The following SRRM4 variants were observed in gnomAD, a reference collection of about 807,000 sequenced individuals.
SRRM4 encodes serine/arginine repetitive matrix 4.
In SRRM4, 33 loss-of-function variants were observed where a neutral mutation model predicts 68.9. The observed-to-expected ratio is 0.48, with a 90% CI of 0.36 to 0.64. SRRM4 has a LOEUF of 0.64. SRRM4 is among the 30% of genes least tolerant of loss of function. The probability of loss-of-function intolerance (pLI) is 0.00; values close to 1 mark genes in which losing one functional copy is unlikely to be tolerated. For synonymous variants in SRRM4, 318 were observed against 318.8 expected (o/e 1.00, Z 0.03); for missense variants, 817 against 827.1 (o/e 0.99, Z 0.15).
Position 119,156,604 on chromosome 12 carries a change from A to T in SRRM4, c.1642A>T (p.Ser548Cys). 1 of 1,610,950 alleles carries T rather than the reference A, an allele frequency of 6.2e-7. No homozygotes were observed. The highest frequency in any genetic ancestry group is 8.5e-7 in the Non-Finnish European group (1 of 1,179,574). The change falls in exon 13 of 13, where the codon AGC becomes TGC. Residue 548 changes from serine to cysteine, a missense_variant. Physicochemically the swap from Ser to Cys is moderately radical, Grantham distance 112. Coordinates refer to ENST00000267260, the MANE Select transcript of SRRM4 (RefSeq NM_194286.4). ...SSSSSRSASR[S>C]YSRSRSRSRS... ...CAGCAGTAGCCGCTCGGCCAGCCGC[A>T]GCTACTCCCGGAGCCGGAGTCGGAG...
chr12:118,991,057 G>C (rs145259216), intron 1 of SRRM4, among the ~76,000 whole-genome samples: 2 of 152,026 alleles, frequency 1.3e-5, no homozygotes, highest in Non-Finnish European at 2.9e-5. Context: ...CACCCTCCTC[G>C]GCCTTCCAAA....
chr12:119,018,914 C>T (rs2136000744), intron 1 of SRRM4, among the ~76,000 whole-genome samples: 1 of 152,252 alleles, frequency 6.6e-6, no homozygotes, highest in Non-Finnish European at 1.5e-5. Flanking sequence ...ATCACTCACC[C>T]CCAGGAGTGG....
chr12:119,056,109 C>T (rs963645108), intron 1 of SRRM4, among the ~76,000 whole-genome samples: 3 of 152,224 alleles, frequency 2.0e-5, no homozygotes, highest in Non-Finnish European at 2.9e-5. Flanking sequence ...GGCCAGCCCC[C>T]CTCTCAGCCT....
At chr12:118,987,037 G>A (rs918945097) in intron 1 of SRRM4, among the ~76,000 whole-genome samples, 4 of 152,170 alleles carry the variant, frequency 2.6e-5, no homozygotes, top group Non-Finnish European at 1.5e-5. Flanking sequence ...GCTGAAGTGT[G>A]AGAGAATATT....
chr12:119,137,281 T>G (rs1388991592), intron 8 of SRRM4, among the ~76,000 whole-genome samples: 2 of 152,200 alleles, frequency 1.3e-5, no homozygotes, highest in Admixed American at 1.3e-4. Flanking sequence ...TTAATTGGAA[T>G]TCTCTTCTTG....
rs987021581 is a variant in SRRM4 at position 119,125,388 on chromosome 12, A to T, written c.523A>T (p.Ser175Cys). 2 of 1,612,492 alleles carry T rather than the reference A, an allele frequency of 1.2e-6. No individual in the cohort carries two copies. Among genetic ancestry groups the T allele is most frequent in the Non-Finnish European group, 1.7e-6 (2 of 1,179,274 alleles). The change falls in exon 7 of 13, where the codon AGC becomes TGC. Residue 175 changes from serine to cysteine, a missense_variant. By Grantham distance (112) the Ser-to-Cys change is moderately radical. Coordinates refer to ENST00000267260, the MANE Select transcript of SRRM4 (RefSeq NM_194286.4). ...DEKRHKKQSRSRPRKSHRHRH... is the reference protein window; with the variant it reads ...DEKRHKKQSRCRPRKSHRHRH... Reference sequence around the variant, plus strand: ...CCTTCTCATCCCCCCAAGATCTCGAAGCCGGCCCCGAAAGTCTCACCGCCA... The same window carrying T: ...CCTTCTCATCCCCCCAAGATCTCGATGCCGGCCCCGAAAGTCTCACCGCCA...
chr12:119,142,854 T>C (rs912027824), intron 8 of SRRM4, among the ~76,000 whole-genome samples: 6 of 152,188 alleles, frequency 3.9e-5, no homozygotes, highest in African/African-American at 1.4e-4. Context: ...TGGAGATACA[T>C]GTGTTACCAT....
At chr12:118,995,268 G>C (rs1172979888) in intron 1 of SRRM4, among the ~76,000 whole-genome samples, 3 of 152,196 alleles carry the variant, frequency 2.0e-5, no homozygotes, top group Non-Finnish European at 4.4e-5. Flanking sequence ...AGAGGTAAGT[G>C]ATTTGTCTAA....
At chr12:118,997,555 A>G (rs538235093) in intron 1 of SRRM4, among the ~76,000 whole-genome samples, 1 of 152,276 alleles carries the variant, frequency 6.6e-6, no homozygotes, top group Non-Finnish European at 1.5e-5. Context: ...TCTCTTCTGA[A>G]TCCATAAATC....
chr12:119,068,893 G>A (rs1177135609), intron 1 of SRRM4, among the ~76,000 whole-genome samples: 2 of 152,098 alleles, frequency 1.3e-5, no homozygotes, highest in African/African-American at 4.8e-5. Context: ...GCGTCGGGAG[G>A]GGAGGGCGAC....
intron 1 of SRRM4, among the ~76,000 whole-genome samples, chr12:119,070,680 A>G (rs1007556210): frequency 4.6e-5 from 7 of 152,084 alleles, no homozygotes; most frequent in Admixed American, 4.6e-4. Context: ...ATGAGAAACC[A>G]TTTTCCTGGC....
At chr12:119,094,566 C>T (rs1452280052) in intron 1 of SRRM4, among the ~76,000 whole-genome samples, 2 of 152,226 alleles carry the variant, frequency 1.3e-5, no homozygotes, top group East Asian at 1.9e-4. Context: ...TGCAGTCACA[C>T]GAAGGTCCAC....
intron 1 of SRRM4, among the ~76,000 whole-genome samples, chr12:119,014,789 C>T (rs1400151005): frequency 6.6e-6 from 1 of 152,128 alleles, no homozygotes; most frequent in Admixed American, 6.5e-5. Context: ...CAGCTCATCC[C>T]TGGCCCCTGA....
intron 1 of SRRM4, among the ~76,000 whole-genome samples, chr12:118,986,234 C>T (rs1235355779): frequency 1.3e-5 from 2 of 152,176 alleles, no homozygotes; most frequent in African/African-American, 2.4e-5. Flanking sequence ...GATTTTCTGG[C>T]AGCAGCCTGT....
chr12:119,115,862 T>A (rs1489226420), intron 3 of SRRM4, among the ~76,000 whole-genome samples: 1 of 152,210 alleles, frequency 6.6e-6, no homozygotes, highest in Non-Finnish European at 1.5e-5. Context: ...TTGTTTGACC[T>A]GCAAAGTGAT....
At chr12:119,069,989 G>A (rs868547689) in intron 1 of SRRM4, among the ~76,000 whole-genome samples, 1 of 152,116 alleles carries the variant, frequency 6.6e-6, no homozygotes, top group African/African-American at 2.4e-5. Flanking sequence ...TGTGAATTGC[G>A]GGGAGGTGTT....
chr12:119,022,901 T>TC (rs1418752858), intron 1 of SRRM4, among the ~76,000 whole-genome samples: 2 of 152,182 alleles, frequency 1.3e-5, no homozygotes, highest in Non-Finnish European at 2.9e-5. Flanking sequence ...TAATGATGTT[T>TC]CCCCTCACCA....
intron 1 of SRRM4, among the ~76,000 whole-genome samples, chr12:119,004,428 A>G (rs1459511721): frequency 6.6e-6 from 1 of 152,042 alleles, no homozygotes; most frequent in African/African-American, 2.4e-5. Flanking sequence ...GGGGTTTAAG[A>G]AAGTACAGTG....
intron 1 of SRRM4, among the ~76,000 whole-genome samples, chr12:119,006,144 C>T (rs995682792): frequency 3.3e-5 from 5 of 152,160 alleles, no homozygotes; most frequent in African/African-American, 7.2e-5. Flanking sequence ...GGGAGCTTTC[C>T]GTTCTCTCTC....
Sources: allele counts gnomAD v4.1 joint callset (sites outside exome capture counted in the v4.1 genomes callset), GRCh38; gene constraint gnomAD v4.1.1; transcripts MANE v1.5; gene names NCBI Gene and HGNC (gene_info 2026-07-23, HGNC 2026-07-21).